Variants in PPP1R13B observed in about 807,000 individuals in gnomAD.
PPP1R13B encodes the protein apoptosis-stimulating of p53 protein 1.
Under a neutral mutation model 119.8 loss-of-function variants are expected in PPP1R13B, and 44 were observed. The observed-to-expected ratio is 0.37, with a 90% CI of 0.29 to 0.47. The LOEUF (loss-of-function observed/expected upper bound fraction) is 0.47, where lower values mean the gene tolerates loss of function less well. PPP1R13B is among the 20% of genes least tolerant of loss of function. The pLI is 0.99. For synonymous variants in PPP1R13B, 542 were observed against 561.5 expected, an observed-to-expected ratio of 0.97 and a Z score of 0.49; for missense variants, 1,227 against 1,413.5, an observed-to-expected ratio of 0.87 and a Z score of 2.12.
At chr14:103,805,979 G>A (rs1294348310) in intron 1 of PPP1R13B, among the ~76,000 whole-genome samples, 2 of 152,180 alleles carry the variant, frequency 1.3e-5, no homozygotes, top group African/African-American at 4.8e-5. Context: ...ATTTACTAAA[G>A]ATCACTGAAT....
intron 1 of PPP1R13B, among the ~76,000 whole-genome samples, chr14:103,834,957 AATT>A (rs1343628425): frequency 4.6e-5 from 7 of 152,196 alleles, no homozygotes; most frequent in Non-Finnish European, 1.0e-4. Context: ...TAGATTTTGC[AATT>A]AACCACCTAG....
chr14:103,821,469 G>A (rs1465397635), intron 1 of PPP1R13B, among the ~76,000 whole-genome samples: 3 of 152,130 alleles, frequency 2.0e-5, no homozygotes, highest in African/African-American at 7.2e-5. Flanking sequence ...ATACAGAGGA[G>A]CACTGGGCAC....
Position 103,740,049 on chromosome 14 carries a change from T to C in PPP1R13B, c.2367A>G (p.Ser789=). The stretch of plus-strand genomic sequence containing the variant: ...AAGGTAACTCATTATCATTGGCATC[T>C]GATGACGGGGCAGGCTCAGCGGGGA... ...APLPAEPAPS[S]DANDNELPSP... Residue 789 remains serine, a synonymous_variant, in exon 12 of 17, where the codon TCA becomes TCG. Transcript: ENST00000202556. The surrounding 1 kb of genome is among the most constrained non-coding windows in gnomAD (Gnocchi z 4.6). The C allele has an allele frequency of 6.2e-7, 1 of 1,613,934 alleles. No homozygotes were observed. The highest frequency in any genetic ancestry group is 2.2e-5 in the East Asian group (1 of 44,882).
At chr14:103,825,846 CTTT>C (rs67751577) in intron 1 of PPP1R13B, among the ~76,000 whole-genome samples, 4 of 143,654 alleles carry the variant, frequency 2.8e-5, no homozygotes, top group Admixed American at 1.4e-4. Context: ...TTTTTCTTTT[CTTT>C]TTTTTTTTTT....
rs954421838 is a variant in PPP1R13B at position 103,738,195 on chromosome 14, G to A, written c.2865-335C>T. Among the ~76,000 whole-genome samples the A allele has an allele frequency of 6.6e-6, 1 of 152,198 alleles. No homozygotes were observed. Among genetic ancestry groups the A allele is most frequent in the Admixed American group, 6.5e-5 (1 of 15,282 alleles). On this transcript the variant is annotated intron_variant, in intron 14 of 16. Coordinates refer to ENST00000202556, the MANE Select transcript of PPP1R13B (RefSeq NM_015316.3). This position sits in a 1 kb window ranked among gnomAD's most constrained non-coding sequence, Gnocchi z 5.6. ...TTTTATGTTATGTGTATTTTACCAC[G>A]ATTCAAATGCAGCACAATGTCAGCT...
chr14:103,836,776 G>GAAAAAA (rs11394353), intron 1 of PPP1R13B, among the ~76,000 whole-genome samples: 4 of 114,846 alleles, frequency 3.5e-5, no homozygotes, highest in Admixed American at 9.5e-5. Context: ...TCTCAGAAAA[G>GAAAAAA]AAAAAAAAAA....
chr14:103,739,101 G>C (rs1439482361), intron 12 of PPP1R13B, 78 bp from the exon 13 acceptor site: 2 of 1,542,372 alleles, frequency 1.3e-6, no homozygotes, highest in African/African-American at 1.4e-5. Context: ...GGGAAGGAGT[G>C]GTGGGAGCTA....
chr14:103,765,054 G>T (rs765496702), intron 4 of PPP1R13B, among the ~76,000 whole-genome samples: 1 of 152,158 alleles, frequency 6.6e-6, no homozygotes, highest in South Asian at 2.1e-4. Flanking sequence ...TCCTGACCTC[G>T]TGATCCGCCC....
chr14:103,814,814 G>A (rs1204757505), intron 1 of PPP1R13B, among the ~76,000 whole-genome samples: 1 of 151,838 alleles, frequency 6.6e-6, no homozygotes, highest in Non-Finnish European at 1.5e-5. Context: ...GCATGGTGGT[G>A]GGCGCCTGTA....
intron 1 of PPP1R13B, among the ~76,000 whole-genome samples, chr14:103,800,219 G>T (rs2085865555): frequency 6.6e-6 from 1 of 152,088 alleles, no homozygotes; most frequent in Non-Finnish European, 1.5e-5. Context: ...TGGAGGCTGA[G>T]GTGGGAGGAT....
intron 2 of PPP1R13B, among the ~76,000 whole-genome samples, chr14:103,787,080 C>G (rs888515774): frequency 5.3e-5 from 8 of 151,736 alleles, no homozygotes; most frequent in Non-Finnish European, 1.0e-4. Flanking sequence ...TCTTGAATTC[C>G]TGAACTCAAG....
At chr14:103,752,661 A>G (rs1413145184) in intron 7 of PPP1R13B, among the ~76,000 whole-genome samples, 1 of 150,764 alleles carries the variant, frequency 6.6e-6, no homozygotes, top group South Asian at 2.1e-4. Context: ...CAGCCTCCCA[A>G]GTGGCTGAGA....
At position 103,797,451 on chromosome 14, in the gene PPP1R13B, G is replaced by A. The variant is rs373438279; in HGVS notation, c.77C>T (p.Thr26Ile). 3.2e-4 allele frequency: 516 copies of A among 1,613,740 alleles called. 1 individual carries two copies. Among genetic ancestry groups the A allele is most frequent in the Non-Finnish European group, 4.2e-4 (491 of 1,179,842 alleles). ...ILTEVPITPE[T>I]TCRDVVEFCK... Reference sequence around the variant, plus strand: ...AAATTCTACAACATCTCGACAGGTTGTTTCCGGTGTTATAGGAACTTCTGT... The same window carrying A: ...AAATTCTACAACATCTCGACAGGTTATTTCCGGTGTTATAGGAACTTCTGT... The change falls in exon 2 of 17, where the codon ACA becomes ATA. Residue 26 changes from threonine (T) to isoleucine (I), a missense_variant. By Grantham distance (89) the Thr-to-Ile change is moderately conservative. Coordinates refer to ENST00000202556, the MANE Select transcript of PPP1R13B (RefSeq NM_015316.3).
At position 103,847,486 on chromosome 14, in the gene PPP1R13B, G is replaced by A. The variant is rs920005695; in HGVS notation, c.-179C>T. 3 of 986,286 alleles carry A rather than the reference G, an allele frequency of 3.0e-6. No individual in the cohort carries two copies. Among genetic ancestry groups the A allele is most frequent in the Non-Finnish European group, 2.4e-6 (2 of 831,612 alleles). The allele number at this position is 986,286 out of a possible 1,614,324, so 61.1% of individuals were successfully genotyped here. On this transcript the variant is annotated 5_prime_UTR_variant, in exon 1 of 17. Coordinates refer to ENST00000202556, the MANE Select transcript of PPP1R13B (RefSeq NM_015316.3). ...GGCTCTCGCTGGCCCTGTCGCGGCC[G>A]CCGGCGCGCTGCGTCGCTGTCCCGG...
intron 1 of PPP1R13B, among the ~76,000 whole-genome samples, chr14:103,841,595 G>GA (rs974707971): frequency 1.1e-4 from 17 of 148,894 alleles, no homozygotes; most frequent in East Asian, 5.9e-4. Flanking sequence ...AACTCAAAAA[G>GA]AAAAAAAAAG....
Position 103,786,916 on chromosome 14 carries a change from C to T in PPP1R13B, c.158-2002G>A, listed in dbSNP as rs541643679. On this transcript the variant is annotated intron_variant, in intron 2 of 16. Transcript: ENST00000202556. ...AGAGATGGGGTTTCACCATGTTGGT[C>T]AGGTTGGTCTCGAACTCCCGACCTC... 9.3e-5 allele frequency among the ~76,000 whole-genome samples: 14 copies of T among 150,590 alleles called. No homozygotes were observed. The East Asian group carries it at 1.9e-3, about 20-fold the overall frequency.
intron 2 of PPP1R13B, among the ~76,000 whole-genome samples, chr14:103,791,118 TTTC>T (rs34545617): frequency 5.5e-5 from 8 of 144,774 alleles, no homozygotes; most frequent in African/African-American, 1.9e-4. Context: ...TGCTGACTTT[TTTC>T]TTCTTTTTTT....
chr14:103,753,893 T>G (rs1451014893), intron 6 of PPP1R13B, among the ~76,000 whole-genome samples, 177 bp downstream of exon 6: 1 of 152,082 alleles, frequency 6.6e-6, no homozygotes, highest in Non-Finnish European at 1.5e-5. Context: ...CTACACAATT[T>G]TAAGATCACT....
At chr14:103,784,053 G>A (rs1486825943) in intron 3 of PPP1R13B, among the ~76,000 whole-genome samples, 1 of 152,056 alleles carries the variant, frequency 6.6e-6, no homozygotes, top group Non-Finnish European at 1.5e-5. Context: ...GTGGGTGCCT[G>A]TAATCCCAAC....
Sources: allele counts gnomAD v4.1 joint callset (sites outside exome capture counted in the v4.1 genomes callset), GRCh38; gene constraint gnomAD v4.1.1; non-coding constraint Gnocchi (gnomAD v3.1); transcripts MANE v1.5; gene names NCBI Gene and HGNC (gene_info 2026-07-23, HGNC 2026-07-21).